FERMT1: variants seen among roughly 807,000 people sequenced by gnomAD.
FERMT1 encodes the protein fermitin family homolog 1.
Under a neutral mutation model 85.3 loss-of-function variants are expected in FERMT1, and 60 were observed. The ratio of observed to expected loss-of-function variants is 0.70; its 90% confidence interval spans 0.57 to 0.87. The LOEUF (loss-of-function observed/expected upper bound fraction) is 0.87, where lower values mean the gene tolerates loss of function less well. FERMT1 is among the 40% of genes least tolerant of loss of function. The pLI is 0.00. For synonymous variants in FERMT1, 275 were observed against 301.1 expected, an observed-to-expected ratio of 0.91 and a Z score of 0.90; for missense variants, 701 against 818.9, an observed-to-expected ratio of 0.86 and a Z score of 1.76.
At chr20:6,083,663 C>CA (rs66793564) in intron 13 of FERMT1, among the ~76,000 whole-genome samples, 3 of 75,728 alleles carry the variant, frequency 4.0e-5, no homozygotes, top group African/African-American at 1.6e-4. Context: ...ACACCCCCCC[C>CA]CCCGGCCACC....
chr20:6,112,678 A>G (rs1982987874), intron 3 of FERMT1, 55 bp from the exon 4 acceptor site: 1 of 1,240,884 alleles, frequency 8.1e-7, no homozygotes, highest in Admixed American at 2.3e-5. Flanking sequence ...AACTCCTTCT[A>G]AGACTCAGGG....
rs766966374 is a variant in FERMT1 at position 6,104,648 on chromosome 20, C to G, written c.849+2884G>C. 6.6e-6 allele frequency among the ~76,000 whole-genome samples: 1 copy of G among 152,182 alleles called. No individual in the cohort carries two copies. Among genetic ancestry groups the G allele is most frequent in the East Asian group, 1.9e-4 (1 of 5,192 alleles). On this transcript the variant is annotated intron_variant, in intron 6 of 14. Transcript: ENST00000217289. The surrounding 1 kb of genome is among the most constrained non-coding windows in gnomAD (Gnocchi z 4.2). Reference sequence around the variant, plus strand: ...ATTCAAATCGGTTTCACTTTTTAGGCTATGAAGAGGGAGCTCCTCACCAAT... The same window carrying G: ...ATTCAAATCGGTTTCACTTTTTAGGGTATGAAGAGGGAGCTCCTCACCAAT...
chr20:6,097,403 C>T (rs1328389743), intron 7 of FERMT1, 121 bp downstream of exon 7: 12 of 759,592 alleles, frequency 1.6e-5, no homozygotes, highest in Non-Finnish European at 2.8e-5. Context: ...AACAATTGCT[C>T]TCCTTATTTT....
intron 9 of FERMT1, among the ~76,000 whole-genome samples, chr20:6,093,474 C>T (rs1982419949): frequency 6.6e-6 from 1 of 152,216 alleles, no homozygotes; most frequent in Non-Finnish European, 1.5e-5. Flanking sequence ...AGGCTACAGT[C>T]ACCATTTGGT....
At chr20:6,099,296 G>C (rs1982591067) in intron 6 of FERMT1, among the ~76,000 whole-genome samples, 1 of 151,854 alleles carries the variant, frequency 6.6e-6, no homozygotes, top group Admixed American at 6.6e-5. Context: ...CCAGCTACTT[G>C]GGGGAGGGTG....
intron 3 of FERMT1, among the ~76,000 whole-genome samples, chr20:6,114,759 A>AT (rs1311042506): frequency 1.3e-5 from 2 of 152,150 alleles, no homozygotes; most frequent in African/African-American, 4.8e-5. Flanking sequence ...ACCCTACTTC[A>AT]TATACCATAC....
At chr20:6,097,719 G>A in intron 6 of FERMT1, 88 bp from the exon 7 acceptor site, 4 of 921,484 alleles carry the variant, frequency 4.3e-6, no homozygotes, top group Non-Finnish European at 7.2e-6. Context: ...GCCATTCTCT[G>A]TTAATCAGAT....
rs185569802 is a variant in FERMT1, at chr20:6,093,379, C to T, written c.1139+1560G>A. On this transcript the variant is annotated intron_variant, in intron 9 of 14. Transcript: ENST00000217289. ...GGCAATTTTGAGAGTATAAGTCACA[C>T]CGAAAGCCTGTGACAGTTCAGGGTA... Among the ~76,000 whole-genome samples the T allele has an allele frequency of 2.0e-5, 3 of 152,310 alleles. No homozygotes were observed. In the East Asian group the frequency reaches 5.8e-4, roughly 29 times the overall value.
rs144791466 is a variant in FERMT1, at chr20:6,107,569, C to T, written c.812G>A (p.Arg271Gln). ...GIQEDEQLLL[R>Q]FKYYSFFDLN... is the part of the protein sequence containing the mutation. The stretch of plus-strand genomic sequence containing the variant: ...GTCGAAGAAAGAATAATATTTAAAT[C>T]GTAAGAGCAGCTGCTCATCCTCTTG... Residue 271 changes from arginine (R) to glutamine (Q), a missense_variant, in exon 6 of 15, where the codon CGA becomes CAA. Physicochemically the swap from Arg to Gln is conservative, Grantham distance 43. Transcript: ENST00000217289. The T allele has an allele frequency of 1.5e-4, 247 of 1,612,564 alleles. No individual in the cohort carries two copies. The highest frequency in any genetic ancestry group is 1.9e-4 in the Non-Finnish European group (226 of 1,178,990).
chr20:6,085,911 C>A (rs531897362), intron 11 of FERMT1, among the ~76,000 whole-genome samples: 4 of 151,404 alleles, frequency 2.6e-5, no homozygotes, highest in Non-Finnish European at 5.9e-5. Flanking sequence ...GAGGCCGAGG[C>A]GGGTGGATCA....
chr20:6,087,333 C>T (rs1982214256), intron 11 of FERMT1, among the ~76,000 whole-genome samples: 1 of 152,118 alleles, frequency 6.6e-6, no homozygotes, highest in Admixed American at 6.5e-5. Flanking sequence ...TCTGGGGGAA[C>T]AGAGTCTTGC....
At chr20:6,096,769 A>G (rs770674243) in intron 8 of FERMT1, 133 bp downstream of exon 8, 14 of 1,005,596 alleles carry the variant, frequency 1.4e-5, no homozygotes, top group Non-Finnish European at 2.1e-5. Flanking sequence ...GAAGCTTGTT[A>G]GGTGAAGAGC....
Position 6,076,163 on chromosome 20 carries a change from C to T in FERMT1, c.*1010G>A, listed in dbSNP as rs1458321180. On this transcript the variant is annotated 3_prime_UTR_variant, in exon 15 of 15. Transcript: ENST00000217289. ...GATAAGAGGGACGCTTCCCCATGAC[C>T]CAGACCAGCCTAAAGCCCCTGTGGG... The T allele has an allele frequency of 1.5e-5, 4 of 264,842 alleles. No homozygotes were observed. The Admixed American group carries it at 1.9e-4, about 12-fold the overall frequency. The allele number at this position is 264,842 out of a possible 1,614,324, so 16.4% of individuals were successfully genotyped here. A position where few individuals can be genotyped will look rare whatever the true frequency, so the allele number is the denominator to read the frequency against.
intron 3 of FERMT1, 77 bp from the exon 4 acceptor site, chr20:6,112,700 A>G: frequency 9.8e-7 from 1 of 1,023,912 alleles, no homozygotes; most frequent in Admixed American, 2.7e-5. Flanking sequence ...CATTTTGTGC[A>G]TTTAAAATCA....
At chr20:6,097,442 A>C (rs564817556) in intron 7 of FERMT1, 82 bp downstream of exon 7, 42 of 943,694 alleles carry the variant, frequency 4.5e-5, no homozygotes, top group African/African-American at 3.4e-4. Flanking sequence ...ACAAAAAAAA[A>C]CCAGTATGAA....
rs914756695 is a variant in FERMT1 at position 6,115,898 on chromosome 20, G to T, written c.298C>A (p.Arg100Ser). ...FTPQHKMLRL[R>S]LPNLKMVRLR... ...CTCACCATCTTCAAATTCGGCAGAC[G>T]AAGGCGCAGCATTTTATGCTGAGGG... The change falls in exon 3 of 15, where the codon CGT becomes AGT. Residue 100 changes from arginine (R) to serine (S), a missense_variant. Physicochemically the swap from Arg to Ser is moderately radical, Grantham distance 110. Transcript: ENST00000217289. 5 of 1,614,156 alleles carry T rather than the reference G, an allele frequency of 3.1e-6. No homozygotes were observed. Among genetic ancestry groups the T allele is most frequent in the South Asian group, 1.1e-5 (1 of 91,080 alleles).
rs565068120 is a variant in FERMT1 at position 6,076,137 on chromosome 20, C to A, written c.*1036G>T. 1 of 221,818 alleles carries A rather than the reference C, an allele frequency of 4.5e-6. No homozygotes were observed. The highest frequency in any genetic ancestry group is 9.2e-6 in the Non-Finnish European group (1 of 108,714). 13.7% of individuals were successfully genotyped at this position (221,818 alleles called of 1,614,324 possible). A position where few individuals can be genotyped will look rare whatever the true frequency, so the allele number is the denominator to read the frequency against. On this transcript the variant is annotated 3_prime_UTR_variant, in exon 15 of 15. Coordinates refer to ENST00000217289, the MANE Select transcript of FERMT1 (RefSeq NM_017671.5). ...CCAAATCCAGGAGAACACAGACCAGCGATAAGAGGGACGCTTCCCCATGAC... is the reference window on the plus strand; with the variant it reads ...CCAAATCCAGGAGAACACAGACCAGAGATAAGAGGGACGCTTCCCCATGAC...
intron 11 of FERMT1, among the ~76,000 whole-genome samples, chr20:6,085,711 G>C (rs147709604): frequency 3.7e-4 from 57 of 152,194 alleles, no homozygotes; most frequent in African/African-American, 1.4e-3. Flanking sequence ...TTAGCTGTGC[G>C]TAGTGGCAGA....
intron 8 of FERMT1, among the ~76,000 whole-genome samples, chr20:6,095,722 C>A (rs571868677): frequency 6.6e-6 from 1 of 152,182 alleles, no homozygotes; most frequent in African/African-American, 2.4e-5. Context: ...GTTCATGGGG[C>A]CTATGTCTTC....
Sources: allele counts gnomAD v4.1 joint callset (sites outside exome capture counted in the v4.1 genomes callset), GRCh38; gene constraint gnomAD v4.1.1; non-coding constraint Gnocchi (gnomAD v3.1); transcripts MANE v1.5; gene names NCBI Gene and HGNC (gene_info 2026-07-23, HGNC 2026-07-21).